Variants in TAFA2 observed in about 807,000 individuals in gnomAD.
The protein encoded by TAFA2 is chemokine-like protein TAFA-2.
In TAFA2, 7 loss-of-function variants were observed where a neutral mutation model predicts 18.8. The ratio of observed to expected loss-of-function variants is 0.37; its 90% CI spans 0.21 to 0.70. The LOEUF (loss-of-function observed/expected upper bound fraction) is 0.70, where lower values mean the gene tolerates loss of function less well. Ranked by LOEUF, TAFA2 falls within the 30% of genes least tolerant of loss-of-function variation. TAFA2 has a pLI of 0.53. For synonymous variants in TAFA2, 60 were observed against 54.2 expected, an observed-to-expected ratio of 1.11 and a Z score of -0.47; for missense variants, 122 against 158.1, an observed-to-expected ratio of 0.77 and a Z score of 1.23.
At chr12:61,821,487 A>C (rs1415961805) in intron 2 of TAFA2, among the ~76,000 whole-genome samples, 1 of 152,034 alleles carries the variant, frequency 6.6e-6, no homozygotes, top group Non-Finnish European at 1.5e-5. Context: ...TTGCAAGCAA[A>C]AAAGGGAAAA....
chr12:62,022,507 C>T (rs1180167000), intron 1 of TAFA2, among the ~76,000 whole-genome samples: 1 of 152,122 alleles, frequency 6.6e-6, no homozygotes, highest in Non-Finnish European at 1.5e-5. Context: ...ACAATAATAG[C>T]TAGTACTTTT....
chr12:61,835,502 G>A (rs1872884843), intron 2 of TAFA2, among the ~76,000 whole-genome samples: 1 of 151,888 alleles, frequency 6.6e-6, no homozygotes, highest in Non-Finnish European at 1.5e-5. Context: ...TACCCAATAG[G>A]TAGTTTGAAA....
intron 1 of TAFA2, among the ~76,000 whole-genome samples, chr12:62,071,826 T>C (rs1592318131): frequency 6.6e-6 from 1 of 152,194 alleles, no homozygotes; most frequent in Non-Finnish European, 1.5e-5. Flanking sequence ...AGTGTCATCC[T>C]GAGATGAAAA....
At chr12:61,770,933 C>A (rs936234974) in intron 2 of TAFA2, among the ~76,000 whole-genome samples, 3 of 152,022 alleles carry the variant, frequency 2.0e-5, no homozygotes, top group Admixed American at 2.0e-4. Context: ...AAATGTTCCA[C>A]TTAAAGGATG....
chr12:61,772,969 T>G (rs2120850928), intron 2 of TAFA2, among the ~76,000 whole-genome samples: 1 of 151,972 alleles, frequency 6.6e-6, no homozygotes, highest in Non-Finnish European at 1.5e-5. Flanking sequence ...TCCTAAAGAC[T>G]CACCCAGAAA....
At chr12:62,108,556 C>A (rs1271838974) in intron 1 of TAFA2, among the ~76,000 whole-genome samples, 1 of 152,144 alleles carries the variant, frequency 6.6e-6, no homozygotes. Flanking sequence ...CTTGAGGAAT[C>A]GCCACACTGT....
intron 1 of TAFA2, among the ~76,000 whole-genome samples, chr12:62,154,582 A>G (rs1326332291): frequency 6.6e-6 from 1 of 152,202 alleles, no homozygotes; most frequent in Admixed American, 6.5e-5. Flanking sequence ...ATAAGAGATA[A>G]TATATTTGAA....
intron 1 of TAFA2, among the ~76,000 whole-genome samples, chr12:62,092,967 T>C (rs572405936): frequency 6.6e-6 from 1 of 152,162 alleles, no homozygotes; most frequent in African/African-American, 2.4e-5. Flanking sequence ...CAGTTTCCAA[T>C]CAAATTTACA....
intron 2 of TAFA2, among the ~76,000 whole-genome samples, chr12:61,804,718 A>G (rs1428199510): frequency 6.6e-6 from 1 of 151,992 alleles, no homozygotes. Context: ...GGCTCCCATT[A>G]TTTTAAGCAC....
chr12:61,879,328 A>G lies in TAFA2; in HGVS notation c.-1-11902T>C, dbSNP rs536784870. The G allele has an allele frequency of 7.8e-5, 45 of 580,590 alleles. 3 individuals carry two copies. Among genetic ancestry groups the G allele is most frequent in the South Asian group, 1.3e-4 (6 of 44,600 alleles). The allele number at this position is 580,590 out of a possible 1,614,324, so 36.0% of individuals were successfully genotyped here. A position where few individuals can be genotyped will look rare whatever the true frequency, so the allele number is the denominator to read the frequency against. ...ACTCCTGCCTCCACCATGTCCATCA[A>G]GGTGATCCAGAAGTCCTACAAGGTA... On this transcript the variant is annotated intron_variant, in intron 1 of 4. Coordinates refer to ENST00000416284, the MANE Select transcript of TAFA2 (RefSeq NM_178539.5).
intron 4 of TAFA2, among the ~76,000 whole-genome samples, chr12:61,725,943 T>C (rs1870143898): frequency 6.6e-6 from 1 of 151,544 alleles, no homozygotes; most frequent in Non-Finnish European, 1.5e-5. Flanking sequence ...GGGTGAGGTA[T>C]AAAAGACTAC....
chr12:61,711,723 C>A (rs943121640), intron 4 of TAFA2, among the ~76,000 whole-genome samples: 4 of 151,880 alleles, frequency 2.6e-5, no homozygotes, highest in Non-Finnish European at 5.9e-5. Context: ...ATTTCTGTCT[C>A]AGTGGTCTGC....
intron 2 of TAFA2, among the ~76,000 whole-genome samples, chr12:61,810,783 G>A (rs1232819759): frequency 6.6e-6 from 1 of 151,040 alleles, no homozygotes; most frequent in African/African-American, 2.5e-5. Flanking sequence ...AATCCTCAGT[G>A]ATCTCTTTCT....
chr12:61,713,429 T>C (rs1190998919), intron 4 of TAFA2, among the ~76,000 whole-genome samples: 2 of 152,176 alleles, frequency 1.3e-5, no homozygotes, highest in African/African-American at 4.8e-5. Flanking sequence ...CTAAAGTTTT[T>C]CTTTGAACAA....
intron 2 of TAFA2, among the ~76,000 whole-genome samples, chr12:61,768,240 C>A (rs1168226548): frequency 6.6e-6 from 1 of 152,054 alleles, no homozygotes; most frequent in African/African-American, 2.4e-5. Context: ...ATAAGCTGAA[C>A]TTCATTAATA....
intron 1 of TAFA2, among the ~76,000 whole-genome samples, chr12:62,078,490 A>AT (rs976951019): frequency 5.1e-4 from 77 of 151,850 alleles, no homozygotes; most frequent in Middle Eastern, 3.4e-3. Flanking sequence ...CCTTTCACTG[A>AT]TTTTTTTCCT....
rs1345002162 is a variant in TAFA2, at chr12:61,731,617, TTAA to T, written c.385-21203_385-21201del. Among the ~76,000 whole-genome samples the T allele has an allele frequency of 2.0e-5, 3 of 152,246 alleles. No homozygotes were observed. The East Asian group carries it at 5.8e-4, about 29-fold the overall frequency. ...CATAATTGTTGCATCAGTAGACAAC[TTAA>T]TAAACTTCCATGTTCTTTTGTAAAA... On this transcript the variant is annotated intron_variant, in intron 4 of 4. Coordinates refer to ENST00000416284, the MANE Select transcript of TAFA2 (RefSeq NM_178539.5).
chr12:61,762,728 G>A (rs879895011), intron 2 of TAFA2, among the ~76,000 whole-genome samples: 4 of 151,524 alleles, frequency 2.6e-5, no homozygotes, highest in Non-Finnish European at 5.9e-5. Context: ...ACAAAAGAGA[G>A]TAAATTTAGC....
intron 2 of TAFA2, among the ~76,000 whole-genome samples, chr12:61,817,575 G>GCTTTTTATTTTTCAAT (rs1872135942): frequency 1.3e-5 from 2 of 151,944 alleles, no homozygotes; most frequent in African/African-American, 4.8e-5. Context: ...CAACTCCAAA[G>GCTTTTTATTTTTCAAT]GTTATCTTAA....
Sources: gnomAD v4.1 joint callset for allele counts (sites outside exome capture counted in the v4.1 genomes callset) on GRCh38, gnomAD v4.1.1 for gene constraint, MANE v1.5 for transcripts, NCBI Gene and HGNC (gene_info 2026-07-23, HGNC 2026-07-21) for gene names.